The following SUMF1 variants were observed in gnomAD, a reference collection of about 807,000 sequenced individuals.
SUMF1 encodes the protein formylglycine-generating enzyme.
SUMF1 carries 48 observed loss-of-function variants against 47.6 expected under a neutral mutation model. The observed-to-expected ratio is 1.01, with a 90% CI of 0.80 to 1.28. The LOEUF (loss-of-function observed/expected upper bound fraction) is 1.28, where lower values mean the gene tolerates loss of function less well. Among genes scored for constraint, SUMF1 ranks in the 50% most tolerant of loss-of-function variants. The pLI is 0.00. For missense variants in SUMF1, 571 were observed against 485.4 expected, an observed-to-expected ratio of 1.18 and a Z score of -1.66; for synonymous variants, 230 against 192.1, an observed-to-expected ratio of 1.20 and a Z score of -1.63.
intron 8 of SUMF1, among the ~76,000 whole-genome samples, chr3:4,232,033 G>A (rs1178543963): frequency 6.6e-6 from 1 of 152,170 alleles, no homozygotes; most frequent in Non-Finnish European, 1.5e-5. Flanking sequence ...AAACTAGTGA[G>A]TGTCTCATGT....
chr3:4,111,867 G>A (rs1242771995), intron 8 of SUMF1, among the ~76,000 whole-genome samples: 1 of 152,068 alleles, frequency 6.6e-6, no homozygotes, highest in East Asian at 1.9e-4. Context: ...ACTGGCCTAG[G>A]TTATTATTCA....
intron 8 of SUMF1, among the ~76,000 whole-genome samples, chr3:4,069,955 C>T (rs538177044): frequency 3.0e-4 from 46 of 152,242 alleles, no homozygotes; most frequent in African/African-American, 1.0e-3. Flanking sequence ...GAGCCAGATA[C>T]GCTTTTAGCT....
intron 8 of SUMF1, among the ~76,000 whole-genome samples, chr3:4,088,939 A>C (rs1692727626): frequency 6.6e-6 from 1 of 152,164 alleles, no homozygotes; most frequent in Admixed American, 6.5e-5. Context: ...AAATGAATGT[A>C]GCAATCTAGG....
At chr3:4,283,932 G>T (rs1697578254) in intron 8 of SUMF1, among the ~76,000 whole-genome samples, 2 of 152,164 alleles carry the variant, frequency 1.3e-5, no homozygotes, top group African/African-American at 4.8e-5. Context: ...CTTTCTTAAG[G>T]GCCCTAGTCC....
At chr3:4,293,938 A>G (rs937064570) in intron 8 of SUMF1, among the ~76,000 whole-genome samples, 7 of 152,212 alleles carry the variant, frequency 4.6e-5, no homozygotes, top group Non-Finnish European at 7.3e-5. Context: ...GAATATGGGA[A>G]AGGCTTAGAA....
At chr3:4,041,393 A>G (rs1694905041) in intron 9 of SUMF1, among the ~76,000 whole-genome samples, 1 of 152,180 alleles carries the variant, frequency 6.6e-6, no homozygotes, top group Non-Finnish European at 1.5e-5. Flanking sequence ...ATGATGATAT[A>G]TCAGGTGACT....
At chr3:4,236,540 A>G (rs1006933279) in intron 8 of SUMF1, among the ~76,000 whole-genome samples, 5 of 151,900 alleles carry the variant, frequency 3.3e-5, no homozygotes, top group African/African-American at 1.2e-4. Flanking sequence ...GATCACTTGA[A>G]CCCAGAAGTT....
chr3:4,315,863 A>C (rs1449684822), intron 8 of SUMF1, among the ~76,000 whole-genome samples: 2 of 152,166 alleles, frequency 1.3e-5, no homozygotes, highest in East Asian at 3.9e-4. Context: ...CCTGGCCAAC[A>C]TGGTGAAACC....
chr3:4,152,867 A>G (rs1370951370), intron 8 of SUMF1, among the ~76,000 whole-genome samples: 1 of 151,532 alleles, frequency 6.6e-6, no homozygotes, highest in Non-Finnish European at 1.5e-5. Flanking sequence ...GGACTCATGG[A>G]TAGACAGAAG....
intron 3 of SUMF1, among the ~76,000 whole-genome samples, chr3:4,422,655 T>C (rs1701939582): frequency 6.6e-6 from 1 of 152,124 alleles, no homozygotes; most frequent in Non-Finnish European, 1.5e-5. Context: ...CGACAGTACA[T>C]GGTGGAGTGG....
chr3:4,132,564 C>T (rs1189389035), intron 8 of SUMF1, among the ~76,000 whole-genome samples: 2 of 152,048 alleles, frequency 1.3e-5, no homozygotes, highest in Non-Finnish European at 2.9e-5. Context: ...CACCATCACC[C>T]CAAGTGATCC....
At chr3:4,320,107 G>A (rs759411036) in intron 8 of SUMF1, among the ~76,000 whole-genome samples, 2 of 152,154 alleles carry the variant, frequency 1.3e-5, no homozygotes, top group African/African-American at 4.8e-5. Context: ...AAAACATATA[G>A]AACTTTACTG....
At chr3:4,094,451 G>A (rs745570859) in intron 8 of SUMF1, among the ~76,000 whole-genome samples, 1 of 152,058 alleles carries the variant, frequency 6.6e-6, no homozygotes, top group South Asian at 2.1e-4. Flanking sequence ...GGATATCAGT[G>A]TAGTGAAAAA....
At chr3:4,072,344 C>A (rs572814950) in intron 8 of SUMF1, among the ~76,000 whole-genome samples, 2 of 152,078 alleles carry the variant, frequency 1.3e-5, no homozygotes, top group Non-Finnish European at 2.9e-5. Flanking sequence ...ACATCAAAGA[C>A]CAAAAGTAGA....
chr3:4,457,065 T>TATATGTGTGTGTAC (rs2079676294), intron 1 of SUMF1, among the ~76,000 whole-genome samples: 1 of 119,166 alleles, frequency 8.4e-6, no homozygotes, highest in African/African-American at 2.7e-5. Flanking sequence ...TGTGTATATA[T>TATATGTGTGTGTAC]ATATATATAC....
intron 3 of SUMF1, among the ~76,000 whole-genome samples, chr3:4,436,573 G>C (rs1702405359): frequency 6.6e-6 from 1 of 150,958 alleles, no homozygotes; most frequent in South Asian, 2.1e-4. Flanking sequence ...AAAAAATAAT[G>C]GTTAAGAGTA....
Position 4,150,494 on chromosome 3 carries a change from G to A in SUMF1, c.1015-81749C>T, listed in dbSNP as rs1466001350. The stretch of plus-strand genomic sequence containing the variant: ...GGATAATTGCTTGAACCGGGGAGGC[G>A]GAGGTTGCAGTGAGCTGAGATTGTG... On this transcript the variant is annotated intron_variant and NMD_transcript_variant, in intron 8 of 12. Coordinates refer to the SUMF1 transcript ENST00000448413. Among the ~76,000 whole-genome samples the A allele has an allele frequency of 1.2e-4, 18 of 151,146 alleles. 1 individual carries two copies. The highest frequency in any genetic ancestry group is 3.0e-4 in the African/African-American group (12 of 40,638).
chr3:4,342,584 T>C (rs990688609), intron 8 of SUMF1, among the ~76,000 whole-genome samples: 1 of 152,132 alleles, frequency 6.6e-6, no homozygotes, highest in African/African-American at 2.4e-5. Flanking sequence ...ACTCCTCAGT[T>C]TTATATGGCT....
chr3:4,062,455 C>T (rs138608360), intron 9 of SUMF1, among the ~76,000 whole-genome samples: 51 of 152,166 alleles, frequency 3.4e-4, no homozygotes, highest in African/African-American at 1.2e-3. Flanking sequence ...ACTGTTGCTG[C>T]CAGACGAGGT....
Sources: gnomAD v4.1 joint callset for allele counts (sites outside exome capture counted in the v4.1 genomes callset) on GRCh38, gnomAD v4.1.1 for gene constraint, MANE v1.5 for transcripts, NCBI Gene and HGNC (gene_info 2026-07-23, HGNC 2026-07-21) for gene names.